LOXHD1: variants seen among roughly 807,000 people sequenced by gnomAD.
LOXHD1 encodes the protein lipoxygenase homology PLAT domains 1.
LOXHD1 carries 205 observed loss-of-function variants against 248.2 expected under a neutral mutation model. That is an observed-to-expected ratio of 0.83 (90% CI 0.74 to 0.93). The LOEUF is 0.93. LOXHD1 is among the 40% of genes least tolerant of loss of function. LOXHD1 has a pLI of 0.00. For synonymous variants in LOXHD1, 1,113 were observed against 1,162.8 expected, an observed-to-expected ratio of 0.96 and a Z score of 0.87; for missense variants, 2,930 against 2,971.6, an observed-to-expected ratio of 0.99 and a Z score of 0.33.
At chr18:46,534,249 C>T in intron 27 of LOXHD1, 86 bp downstream of exon 27, 1 of 853,684 alleles carries the variant, frequency 1.2e-6, no homozygotes, top group Non-Finnish European at 1.9e-6. Context: ...GCTGATCTAG[C>T]CAGTAGGTCC....
Position 46,593,584 on chromosome 18 carries a change from C to T in LOXHD1, c.1431+16G>A. 6.4e-7 allele frequency: 1 copy of T among 1,551,922 alleles called. No homozygotes were observed. Among genetic ancestry groups the T allele is most frequent in the Non-Finnish European group, 8.7e-7 (1 of 1,146,798 alleles). ...TTCCTCCTTTCTCCCTCCCATCCAT[C>T]ACAATCCTCTCCTACCCTAAACTTC... On this transcript the variant is annotated intron_variant, in intron 10 of 40. Coordinates refer to ENST00000642948, the MANE Select transcript of LOXHD1 (RefSeq NM_001384474.1).
At chr18:46,610,653 A>T in intron 6 of LOXHD1, 123 bp downstream of exon 6, 3 of 1,137,816 alleles carry the variant, frequency 2.6e-6, no homozygotes, top group Non-Finnish European at 1.2e-6. Context: ...CATCTGGCTT[A>T]GGTAGAAGAG....
chr18:46,538,051 C>T (rs914087082), intron 26 of LOXHD1, 105 bp downstream of exon 26: 2 of 1,021,914 alleles, frequency 2.0e-6, no homozygotes, highest in African/African-American at 3.2e-5. Context: ...TCTCTAATAG[C>T]AGTGCATCAG....
intron 2 of LOXHD1, among the ~76,000 whole-genome samples, chr18:46,647,710 G>A (rs1172189063): frequency 2.6e-5 from 4 of 152,168 alleles, no homozygotes; most frequent in African/African-American, 7.2e-5. Flanking sequence ...TACCTGCCTC[G>A]ATGCAGCAGC....
chr18:46,492,183 G>A (rs944608528), intron 37 of LOXHD1, among the ~76,000 whole-genome samples: 4 of 152,224 alleles, frequency 2.6e-5, no homozygotes, highest in Non-Finnish European at 4.4e-5. Context: ...AGAGTAGACA[G>A]CAGGATAGTA....
intron 29 of LOXHD1, among the ~76,000 whole-genome samples, chr18:46,525,614 T>C (rs1283396975): frequency 6.6e-6 from 1 of 152,124 alleles, no homozygotes; most frequent in Non-Finnish European, 1.5e-5. Context: ...TGCTGATTCT[T>C]TGAGGGGAGC....
intron 26 of LOXHD1, among the ~76,000 whole-genome samples, chr18:46,535,752 G>A (rs1287549166): frequency 6.6e-6 from 1 of 152,156 alleles, no homozygotes; most frequent in Non-Finnish European, 1.5e-5. Context: ...TGTATTTTTA[G>A]TAGAGACAGG....
chr18:46,487,687 G>T (rs1191266599), intron 38 of LOXHD1, among the ~76,000 whole-genome samples: 1 of 152,212 alleles, frequency 6.6e-6, no homozygotes, highest in East Asian at 1.9e-4. Flanking sequence ...AAGCTGAAAT[G>T]GTGTGGGATT....
At chr18:46,601,150 T>C in intron 8 of LOXHD1, 67 bp downstream of exon 8, 1 of 1,506,678 alleles carries the variant, frequency 6.6e-7, no homozygotes. Context: ...AGGTTAAAGT[T>C]TGTACTTGCA....
At chr18:46,528,410 G>T (rs1461733113) in intron 29 of LOXHD1, among the ~76,000 whole-genome samples, 1 of 152,134 alleles carries the variant, frequency 6.6e-6, no homozygotes, top group Non-Finnish European at 1.5e-5. Context: ...GAGAAAGGAA[G>T]TTTAATAAAG....
In LOXHD1 at chr18:46,559,530, G is replaced by T. The variant is rs1377539009; in HGVS notation, c.3134C>A (p.Thr1045Asn). 6.4e-6 allele frequency: 10 copies of T among 1,552,012 alleles called. No individual in the cohort carries two copies. The highest frequency in any genetic ancestry group is 3.9e-5 in the Admixed American group (2 of 51,004). The change falls in exon 20 of 41, where the codon ACC becomes AAC. Residue 1045 changes from threonine (T) to asparagine (N), a missense_variant. Physicochemically the swap from Thr to Asn is moderately conservative, Grantham distance 65 (BLOSUM62 0). Transcript: ENST00000642948. ...KAGTDANVYL[T>N]IYGEEYGDTG... ...GTCTCCATACTCCTCGCCGTAGATG[G>T]TTAGGTAGACGTTAGCATCAGTGCC...
intron 33 of LOXHD1, chr18:46,518,765 A>T: frequency 1.9e-6 from 1 of 519,002 alleles, no homozygotes; most frequent in Non-Finnish European, 2.5e-6. Context: ...TGAGCCTGCC[A>T]CCTGTGCAGC....
At chr18:46,521,063 G>T in intron 33 of LOXHD1, 34 bp downstream of exon 33, 1 of 1,546,308 alleles carries the variant, frequency 6.5e-7, no homozygotes, top group East Asian at 2.4e-5. Context: ...CACTGCCCTG[G>T]CCATGCACTG....
intron 6 of LOXHD1, among the ~76,000 whole-genome samples, chr18:46,609,856 G>A (rs570924185): frequency 3.0e-4 from 46 of 152,338 alleles, no homozygotes; most frequent in Non-Finnish European, 5.9e-4. Context: ...TCTGAAGGGG[G>A]CTTCCTTCAA....
chr18:46,623,648 G>C (rs1011764814), intron 4 of LOXHD1, among the ~76,000 whole-genome samples: 5 of 152,262 alleles, frequency 3.3e-5, no homozygotes, highest in African/African-American at 1.2e-4. Context: ...CCTCTAAACA[G>C]GAAATCCGTC....
intron 8 of LOXHD1, among the ~76,000 whole-genome samples, chr18:46,598,509 TA>T (rs34481424): frequency 2.8e-4 from 42 of 147,974 alleles, no homozygotes; most frequent in Admixed American, 4.7e-4. Flanking sequence ...CTTTGAAAAT[TA>T]AAAAAAAAAA....
At chr18:46,573,511 T>C (rs1188445393) in intron 14 of LOXHD1, among the ~76,000 whole-genome samples, 1 of 152,184 alleles carries the variant, frequency 6.6e-6, no homozygotes, top group African/African-American at 2.4e-5. Context: ...CATTTGTCTA[T>C]GTCTTGGTAC....
intron 37 of LOXHD1, among the ~76,000 whole-genome samples, chr18:46,491,089 T>C (rs2033440821): frequency 6.6e-6 from 1 of 152,228 alleles, no homozygotes; most frequent in Non-Finnish European, 1.5e-5. Context: ...AGGCGACAAG[T>C]TGATGATTTT....
chr18:46,627,341 C>A (rs1440712425), intron 4 of LOXHD1, among the ~76,000 whole-genome samples: 5 of 152,144 alleles, frequency 3.3e-5, no homozygotes, highest in African/African-American at 1.2e-4. Flanking sequence ...CTGACTCTCA[C>A]TGGGCTCACA....
Sources: allele counts gnomAD v4.1 joint callset (sites outside exome capture counted in the v4.1 genomes callset), GRCh38; gene constraint gnomAD v4.1.1; transcripts MANE v1.5; gene names NCBI Gene and HGNC (gene_info 2026-07-23, HGNC 2026-07-21).